Variants in NPC1L1 observed in about 807,000 individuals in gnomAD.
The protein encoded by NPC1L1 is NPC1-like intracellular cholesterol transporter 1.
NPC1L1 carries 98 observed loss-of-function variants against 117.0 expected under a neutral mutation model. That is an observed-to-expected ratio of 0.84 (90% CI 0.71 to 0.99). The LOEUF (loss-of-function observed/expected upper bound fraction) is 0.99. Among genes scored for constraint, NPC1L1 ranks in the 50% least tolerant of loss-of-function variants. The pLI, the probability that NPC1L1 is intolerant of heterozygous loss-of-function variation, is 0.00. For missense variants in NPC1L1, 1,540 were observed against 1,710.0 expected (o/e 0.90, Z 1.75); for synonymous variants, 729 against 727.6 (o/e 1.00, Z -0.03).
At chr7:44,515,317 G>A (rs539023021) in intron 18 of NPC1L1, among the ~76,000 whole-genome samples, 4 of 152,252 alleles carry the variant, frequency 2.6e-5, no homozygotes, top group African/African-American at 9.6e-5. Flanking sequence ...TCATGCTACT[G>A]CACTCCAGCC....
At position 44,516,151 on chromosome 7, in the gene NPC1L1, A is replaced by C. The variant is rs771121024; in HGVS notation, c.3566T>G (p.Phe1189Cys). 7 of 1,612,498 alleles carry C rather than the reference A, an allele frequency of 4.3e-6. No individual in the cohort carries two copies. The South Asian group carries it at 7.7e-5, about 18-fold the overall frequency. Residue 1189 changes from phenylalanine to cysteine, a missense_variant, in exon 17 of 19, where the codon TTT becomes TGT. Coordinates refer to ENST00000381160, the MANE Select transcript of NPC1L1 (RefSeq NM_001101648.2). ...VEFVSHITRS[F>C]AISTKPTWLE... Reference sequence around the variant, plus strand: ...CCAGGTGGGCTTGGTGCTGATGGCAAAGGAGCGGGTAATGTGGGACACAAA... The same window carrying C: ...CCAGGTGGGCTTGGTGCTGATGGCACAGGAGCGGGTAATGTGGGACACAAA...
Position 44,534,717 on chromosome 7 carries a change from G to A in NPC1L1, c.1984-88C>T. 6.9e-7 allele frequency: 1 copy of A among 1,453,028 alleles called. No homozygotes were observed. The highest frequency in any genetic ancestry group is 9.5e-7 in the Non-Finnish European group (1 of 1,047,842). The allele number at this position is 1,453,028 out of a possible 1,614,324, so 90.0% of individuals were successfully genotyped here. On this transcript the variant is annotated intron_variant, in intron 5 of 18. Coordinates refer to ENST00000381160, the MANE Select transcript of NPC1L1 (RefSeq NM_001101648.2). This position sits in a 1 kb window ranked among gnomAD's most constrained non-coding sequence, Gnocchi z 5.2. ...TCAGCTAGGCCAGACAAAGTAGCCG[G>A]CAGGCACCCTCAGTGCCTGCAGGTG...
In NPC1L1 at chr7:44,531,861, T is replaced by G. The variant is rs2301935; in HGVS notation, c.2548-17A>C. The G allele has an allele frequency of 0.022, 34,692 of 1,566,006 alleles. 4,645 individuals are homozygous for G. The East Asian group carries it at 0.41, about 19-fold the overall frequency. On this transcript the variant is annotated splice_polypyrimidine_tract_variant and intron_variant, in intron 9 of 18. Coordinates refer to ENST00000381160, the MANE Select transcript of NPC1L1 (RefSeq NM_001101648.2). ...CAGCAGCAGCTGAGAAGGGACCTGC[T>G]GCATGAGACCACCCTGCCCAACAGC...
intron 2 of NPC1L1, among the ~76,000 whole-genome samples, chr7:44,537,870 G>A (rs1182367538): frequency 6.6e-6 from 1 of 152,184 alleles, no homozygotes; most frequent in African/African-American, 2.4e-5. Context: ...ATTTCCAAGA[G>A]AGAGCCCTTG....
intron 14 of NPC1L1, 55 bp downstream of exon 14, chr7:44,520,710 G>A (rs1040267457): frequency 2.1e-5 from 31 of 1,495,114 alleles, no homozygotes; most frequent in African/African-American, 2.8e-5. Flanking sequence ...GGGTTTTCGG[G>A]GGCCCTCCAG....
chr7:44,531,622 C>T (rs1585142528), intron 10 of NPC1L1, 133 bp downstream of exon 10: 8 of 751,184 alleles, frequency 1.1e-5, no homozygotes, highest in Non-Finnish European at 1.8e-5. Context: ...CTGGAGGTGC[C>T]TCCAGAGTAA....
In NPC1L1 at chr7:44,522,042, A is replaced by G. The variant is rs1279157495; in HGVS notation, c.2828+10T>C. 9 of 1,613,558 alleles carry G rather than the reference A, an allele frequency of 5.6e-6. No individual in the cohort carries two copies. Among genetic ancestry groups the G allele is most frequent in the Non-Finnish European group, 7.6e-6 (9 of 1,179,746 alleles). Reference sequence around the variant, plus strand: ...AGTAGGCTGGGGTTTGGGGCGGGCCAGGAACTCACTGCTCAGGGAACTCTG... The same window carrying G: ...AGTAGGCTGGGGTTTGGGGCGGGCCGGGAACTCACTGCTCAGGGAACTCTG... On this transcript the variant is annotated intron_variant, in intron 11 of 18. Coordinates refer to ENST00000381160, the MANE Select transcript of NPC1L1 (RefSeq NM_001101648.2).
At chr7:44,522,633 G>A (rs902206192) in intron 10 of NPC1L1, among the ~76,000 whole-genome samples, 4 of 152,194 alleles carry the variant, frequency 2.6e-5, no homozygotes, top group South Asian at 2.1e-4. Flanking sequence ...CAGTTACACC[G>A]GAACACAGTT....
At chr7:44,528,540 C>T (rs932734394) in intron 10 of NPC1L1, among the ~76,000 whole-genome samples, 2 of 152,132 alleles carry the variant, frequency 1.3e-5, no homozygotes, top group African/African-American at 2.4e-5. Flanking sequence ...TTAAGATAAT[C>T]CCCATGGTAA....
chr7:44,525,914 C>T (rs1317940940), intron 10 of NPC1L1, among the ~76,000 whole-genome samples: 2 of 152,112 alleles, frequency 1.3e-5, no homozygotes, highest in East Asian at 1.9e-4. Flanking sequence ...GCCTGTAATC[C>T]CAGCACTTCA....
intron 7 of NPC1L1, 32 bp downstream of exon 7, chr7:44,533,707 A>AT (rs752690000): frequency 3.7e-6 from 6 of 1,610,338 alleles, no homozygotes; most frequent in Non-Finnish European, 5.1e-6. Context: ...AGCAAGCCTA[A>AT]TGCCGAGTGG....
rs772394644 is a variant in NPC1L1 at position 44,516,674 on chromosome 7, C to T, written c.3519+29G>A. 4.9e-5 allele frequency: 77 copies of T among 1,561,770 alleles called. No individual in the cohort carries two copies. In the South Asian group the frequency reaches 7.0e-4, roughly 14 times the overall value. On this transcript the variant is annotated intron_variant, in intron 16 of 18. Coordinates refer to ENST00000381160, the MANE Select transcript of NPC1L1 (RefSeq NM_001101648.2). ...GGATCCCCAACCACCCCTCCAGAGG[C>T]CCCCTGGTGCCTGTGTCTGCTGGGT... is the stretch of plus-strand genomic sequence containing the variant.
intron 6 of NPC1L1, 34 bp from the exon 7 acceptor site, chr7:44,533,887 C>T: frequency 6.4e-7 from 1 of 1,555,832 alleles, no homozygotes; most frequent in Non-Finnish European, 8.8e-7. Flanking sequence ...GAGCCAGGGC[C>T]CTCCAAGGGC....
chr7:44,520,410 G>A (rs549065591), intron 14 of NPC1L1, among the ~76,000 whole-genome samples: 1 of 152,324 alleles, frequency 6.6e-6, no homozygotes, highest in Admixed American at 6.5e-5. Context: ...TACTTTAAAT[G>A]ACTGCTAGGA....
At chr7:44,525,482 T>C (rs1801483945) in intron 10 of NPC1L1, among the ~76,000 whole-genome samples, 1 of 152,190 alleles carries the variant, frequency 6.6e-6, no homozygotes, top group South Asian at 2.1e-4. Context: ...GGTCTTGATC[T>C]CTTGACCTTG....
At position 44,538,694 on chromosome 7, in the gene NPC1L1, C is replaced by T. The variant is rs948505837; in HGVS notation, c.1580+123G>A. 2.3e-5 allele frequency: 23 copies of T among 994,246 alleles called. 1 individual carries two copies. The Admixed American group carries it at 2.6e-4, about 11-fold the overall frequency. 61.6% of individuals were successfully genotyped at this position (994,246 alleles called of 1,614,324 possible). On this transcript the variant is annotated intron_variant, in intron 2 of 18. Coordinates refer to ENST00000381160, the MANE Select transcript of NPC1L1 (RefSeq NM_001101648.2). The surrounding 1 kb of genome is among the most constrained non-coding windows in gnomAD (Gnocchi z 5.9). ...CATCTGGGCGGCCCCAGGCCAGAGC[C>T]GTAGGAATAGCTACCTCTGGTCCTT...
intron 16 of NPC1L1, among the ~76,000 whole-genome samples, 160 bp downstream of exon 16, chr7:44,516,542 GC>G (rs1435856768): frequency 6.6e-6 from 1 of 152,190 alleles, no homozygotes; most frequent in Non-Finnish European, 1.5e-5. Context: ...AGGGTTCGAG[GC>G]TACAGTGAGC....
rs147808629 is a variant in NPC1L1 at position 44,528,440 on chromosome 7, G to C, written c.2637+3315C>G. Among the ~76,000 whole-genome samples, 157 of 152,308 alleles carry C rather than the reference G, an allele frequency of 1.0e-3. 4 individuals carry two copies. In the East Asian group the frequency reaches 0.025, roughly 25 times the overall value. On this transcript the variant is annotated intron_variant, in intron 10 of 18. Coordinates refer to ENST00000381160, the MANE Select transcript of NPC1L1 (RefSeq NM_001101648.2). ...TTTTGTGACATCAATAACTGAAAGGGAGGTAAGATGGAGTTGTTATAGGGC... is the reference window on the plus strand; with the variant it reads ...TTTTGTGACATCAATAACTGAAAGGCAGGTAAGATGGAGTTGTTATAGGGC...
Position 44,531,808 on chromosome 7 carries a change from A to G in NPC1L1, c.2584T>C (p.Tyr862His), listed in dbSNP as rs1340428620. The G allele has an allele frequency of 1.3e-6, 2 of 1,590,016 alleles. No individual in the cohort carries two copies. Among genetic ancestry groups the G allele is most frequent in the Non-Finnish European group, 1.7e-6 (2 of 1,168,562 alleles). Reference sequence around the variant, plus strand: ...CCCACGCTGATGTGGCACATGGAGTAGAGGCTCACTCCGAACAGGGCGAGA... The same window carrying G: ...CCCACGCTGATGTGGCACATGGAGTGGAGGCTCACTCCGAACAGGGCGAGA... ...LFLALFGVSLYSMCHISVGLD... is the reference protein window; with the variant it reads ...LFLALFGVSLHSMCHISVGLD... Residue 862 changes from tyrosine to histidine, a missense_variant, in exon 10 of 19, where the codon TAC (tyrosine) becomes CAC (histidine). Around this residue, in one of 3 missense-constraint regions of NPC1L1, gnomAD observed 742 missense variants for 873.6 expected, o/e 0.85. Coordinates refer to ENST00000381160, the MANE Select transcript of NPC1L1 (RefSeq NM_001101648.2).
Sources: allele counts gnomAD v4.1 joint callset (sites outside exome capture counted in the v4.1 genomes callset), GRCh38; gene constraint gnomAD v4.1.1; regional missense constraint gnomAD v4.1.1; non-coding constraint Gnocchi (gnomAD v3.1); transcripts MANE v1.5; gene names NCBI Gene and HGNC (gene_info 2026-07-23, HGNC 2026-07-21).